Variants in RGS6 observed in about 807,000 individuals in gnomAD.
RGS6 encodes regulator of G protein signaling 6.
In RGS6, 30 loss-of-function variants were observed where a neutral mutation model predicts 78.5. That is an observed-to-expected ratio of 0.38 (90% CI 0.29 to 0.52). The LOEUF (loss-of-function observed/expected upper bound fraction) is 0.52. Among genes scored for constraint, RGS6 ranks in the 20% least tolerant of loss-of-function variants. RGS6 has a pLI of 0.85. For synonymous variants in RGS6, 206 were observed against 206.0 expected, an observed-to-expected ratio of 1.00 and a Z score of 0.00; for missense variants, 495 against 609.7, an observed-to-expected ratio of 0.81 and a Z score of 1.98.
chr14:72,303,481 A>G (rs768516987), intron 2 of RGS6, among the ~76,000 whole-genome samples: 2 of 152,248 alleles, frequency 1.3e-5, no homozygotes, highest in African/African-American at 2.4e-5. Context: ...AGCCTGGGCA[A>G]GAGTGAGACT....
At chr14:72,114,066 G>A (rs1327458538) in intron 2 of RGS6, among the ~76,000 whole-genome samples, 1 of 152,184 alleles carries the variant, frequency 6.6e-6, no homozygotes, top group African/African-American at 2.4e-5. Flanking sequence ...AATCAGGTCT[G>A]AGGACTGTTG....
intron 1 of RGS6, among the ~76,000 whole-genome samples, chr14:71,942,161 T>A (rs1488299916): frequency 6.6e-6 from 1 of 152,120 alleles, no homozygotes; most frequent in African/African-American, 2.4e-5. Flanking sequence ...ACCACACTAC[T>A]TCAAACTGCA....
chr14:72,022,203 T>A (rs1362825443), intron 2 of RGS6, among the ~76,000 whole-genome samples: 1 of 152,178 alleles, frequency 6.6e-6, no homozygotes, highest in South Asian at 2.1e-4. Flanking sequence ...GACTCCACCA[T>A]GTCTTTGCTA....
chr14:71,962,257 A>T (rs561302507), intron 1 of RGS6, among the ~76,000 whole-genome samples: 1 of 152,198 alleles, frequency 6.6e-6, no homozygotes, highest in South Asian at 2.1e-4. Context: ...GTTTTAACAC[A>T]CACAAATGCT....
the RGS6 span, among the ~76,000 whole-genome samples, chr14:71,912,778 A>G: frequency 1.3e-5 from 2 of 152,176 alleles, no homozygotes; most frequent in Non-Finnish European, 1.5e-5. Flanking sequence ...GGGTCAGCTT[A>G]TAGAGACTGC....
At chr14:72,162,986 G>A (rs2096874031) in intron 2 of RGS6, among the ~76,000 whole-genome samples, 1 of 152,144 alleles carries the variant, frequency 6.6e-6, no homozygotes, top group Non-Finnish European at 1.5e-5. Flanking sequence ...CTCATAAGTG[G>A]GAGCTAAGCT....
chr14:72,325,764 A>T (rs977070898), intron 2 of RGS6, among the ~76,000 whole-genome samples: 2 of 152,192 alleles, frequency 1.3e-5, no homozygotes, highest in Admixed American at 1.3e-4. Context: ...AAGAAACATG[A>T]TGTAAACCAT....
At chr14:72,187,630 A>G (rs2097264811) in intron 2 of RGS6, among the ~76,000 whole-genome samples, 1 of 152,100 alleles carries the variant, frequency 6.6e-6, no homozygotes, top group South Asian at 2.1e-4. Context: ...ACACCCACTA[A>G]TATTTCCTTG....
intron 2 of RGS6, among the ~76,000 whole-genome samples, chr14:71,966,989 A>G (rs1240882104): frequency 6.6e-6 from 1 of 151,896 alleles, no homozygotes; most frequent in African/African-American, 2.4e-5. Flanking sequence ...CCTTTCTACT[A>G]GAATGTTTGT....
At chr14:72,384,836 C>T (rs2087353564) in intron 3 of RGS6, among the ~76,000 whole-genome samples, 1 of 152,098 alleles carries the variant, frequency 6.6e-6, no homozygotes, top group Non-Finnish European at 1.5e-5. Context: ...CTGCAATCTC[C>T]GCCTCCCGGA....
the RGS6 span, among the ~76,000 whole-genome samples, chr14:72,604,717 C>T: frequency 6.6e-6 from 1 of 152,156 alleles, no homozygotes; most frequent in South Asian, 2.1e-4. Flanking sequence ...CTCCTTAGCT[C>T]CTCCCAGCCC....
intron 2 of RGS6, among the ~76,000 whole-genome samples, chr14:72,313,714 T>C (rs555320446): frequency 2.0e-5 from 3 of 152,320 alleles, no homozygotes; most frequent in East Asian, 3.9e-4. Flanking sequence ...AACAGCATCA[T>C]GATACATACA....
At chr14:72,097,401 C>A (rs989440841) in intron 2 of RGS6, among the ~76,000 whole-genome samples, 3 of 152,120 alleles carry the variant, frequency 2.0e-5, no homozygotes, top group African/African-American at 7.2e-5. Context: ...TCTGAATGTA[C>A]CATTGGCAGG....
intron 12 of RGS6, among the ~76,000 whole-genome samples, chr14:72,487,832 A>C (rs151312476): frequency 1.3e-5 from 2 of 151,888 alleles, no homozygotes; most frequent in African/African-American, 2.4e-5. Context: ...AATATGAGAT[A>C]ATCTGTTCCA....
At chr14:72,420,432 C>A (rs907861028) in intron 3 of RGS6, among the ~76,000 whole-genome samples, 1 of 152,198 alleles carries the variant, frequency 6.6e-6, no homozygotes, top group African/African-American at 2.4e-5. Flanking sequence ...AATTCTGGAA[C>A]TTCTGGCTTA....
the RGS6 span, among the ~76,000 whole-genome samples, chr14:72,627,579 G>A: frequency 1.3e-5 from 2 of 152,002 alleles, no homozygotes; most frequent in South Asian, 4.1e-4. Context: ...TTAATATCTG[G>A]TAGGGCTAGT....
intron 17 of RGS6, chr14:72,553,280 AATTGCCT>A (rs1439093523): frequency 1.3e-5 from 2 of 152,654 alleles, no homozygotes; most frequent in Non-Finnish European, 2.9e-5. Flanking sequence ...CTAAAAACAC[AATTGCCT>A]AGTGCTGCTG....
At chr14:72,614,576 A>T in the RGS6 span, among the ~76,000 whole-genome samples, 1 of 151,890 alleles carries the variant, frequency 6.6e-6, no homozygotes, top group Non-Finnish European at 1.5e-5. Flanking sequence ...TGCAGGCATG[A>T]TCCAGCCCTC....
chr14:72,024,807 G>C (rs1050021791), intron 2 of RGS6, among the ~76,000 whole-genome samples: 2 of 152,262 alleles, frequency 1.3e-5, no homozygotes, highest in Middle Eastern at 3.4e-3. Context: ...GTTTTATGTG[G>C]AGTGAGTTTA....
Sources: allele counts gnomAD v4.1 joint callset (sites outside exome capture counted in the v4.1 genomes callset), GRCh38; gene constraint gnomAD v4.1.1; transcripts MANE v1.5; gene names NCBI Gene and HGNC (gene_info 2026-07-23, HGNC 2026-07-21).